The following CFHR5 variants were observed in gnomAD, a reference collection of about 807,000 sequenced individuals.
CFHR5 encodes the protein complement factor H related 5.
In CFHR5, 73 loss-of-function variants were observed where a neutral mutation model predicts 62.9. That is an observed-to-expected ratio of 1.16 (90% CI 0.96 to 1.41). CFHR5 has a LOEUF of 1.41. CFHR5 is among the 40% of genes most tolerant of loss of function. The pLI is 0.00. For synonymous variants in CFHR5, 249 were observed against 227.2 expected, an observed-to-expected ratio of 1.10 and a Z score of -0.86; for missense variants, 779 against 679.9, an observed-to-expected ratio of 1.15 and a Z score of -1.62.
intron 9 of CFHR5, among the ~76,000 whole-genome samples, chr1:197,005,247 T>C (rs576556409): frequency 6.6e-6 from 1 of 152,282 alleles, no homozygotes; most frequent in Non-Finnish European, 1.5e-5. Context: ...ACCTGAAAGC[T>C]TTCCCTAGTA....
rs115844193 is a variant in CFHR5, at chr1:197,008,204, C to G, written c.1514-283C>G. Among the ~76,000 whole-genome samples, 692 of 151,330 alleles carry G rather than the reference C, an allele frequency of 4.6e-3. 3 individuals are homozygous for G. The highest frequency in any genetic ancestry group is 7.6e-3 in the Non-Finnish European group (516 of 67,756). ...TAGTAAAGTATAGCAATTAAGAGCTCAGGTTCTGAACTCATACTGGCAGGA... is the reference window on the plus strand; with the variant it reads ...TAGTAAAGTATAGCAATTAAGAGCTGAGGTTCTGAACTCATACTGGCAGGA... On this transcript the variant is annotated intron_variant, in intron 9 of 9. Transcript: ENST00000256785.
intron 4 of CFHR5, among the ~76,000 whole-genome samples, chr1:196,995,408 TC>T (rs1653962779): frequency 1.3e-5 from 2 of 152,184 alleles, no homozygotes; most frequent in Admixed American, 1.3e-4. Context: ...TCATTTACTT[TC>T]AATTACTTCA....
At chr1:196,997,442 T>C (rs1368119742) in intron 6 of CFHR5, among the ~76,000 whole-genome samples, 1 of 152,158 alleles carries the variant, frequency 6.6e-6, no homozygotes, top group African/African-American at 2.4e-5. Flanking sequence ...GCACACTCCA[T>C]GTCTCATTAT....
rs1558287264 is a variant in CFHR5, at chr1:196,995,692, ATTATTTATGG to A, written c.608-22_608-13del. 39 of 1,590,782 alleles carry A rather than the reference ATTATTTATGG, an allele frequency of 2.5e-5. No individual in the cohort carries two copies. Among genetic ancestry groups the A allele is most frequent in the Non-Finnish European group, 3.2e-5 (37 of 1,159,160 alleles). On this transcript the variant is annotated splice_polypyrimidine_tract_variant and intron_variant, in intron 4 of 9. Transcript: ENST00000256785. ...TCTATACTTATAAGACCATTTAAGC[ATTATTTATGG>A]TTTCTTTATAATAGGACAAGTACGA...
chr1:196,982,125 G>GA (rs1044448204), intron 1 of CFHR5, among the ~76,000 whole-genome samples: 161 of 148,206 alleles, frequency 1.1e-3, no homozygotes, highest in Non-Finnish European at 1.5e-3. Flanking sequence ...TACTGCACCA[G>GA]AAAAAAAAAT....
intron 1 of CFHR5, among the ~76,000 whole-genome samples, chr1:196,980,629 T>C (rs1653516900): frequency 6.8e-6 from 1 of 146,150 alleles, no homozygotes; most frequent in African/African-American, 2.6e-5. Flanking sequence ...TGTGTGTGTG[T>C]ATCCCAGAAG....
Position 196,983,966 on chromosome 1 carries a change from T to C in CFHR5, c.259T>C (p.Cys87Arg). 6.2e-7 allele frequency: 1 copy of C among 1,608,044 alleles called. No homozygotes were observed. The highest frequency in any genetic ancestry group is 8.5e-7 in the Non-Finnish European group (1 of 1,175,898). ...WSPTPKCLRMCSFPFVKNGHS... is the reference protein window; with the variant it reads ...WSPTPKCLRMRSFPFVKNGHS... ...AATCAATTTTTGTTCCTTAGGAATGTGTTCCTTTCCTTTTGTGAAAAATGG... is the reference window on the plus strand; with the variant it reads ...AATCAATTTTTGTTCCTTAGGAATGCGTTCCTTTCCTTTTGTGAAAAATGG... The change falls in exon 3 of 10, where the codon TGT (cysteine) becomes CGT (arginine). Residue 87 changes from cysteine to arginine, a missense_variant. By Grantham distance (180) the Cys-to-Arg change is radical. Coordinates refer to ENST00000256785, the MANE Select transcript of CFHR5 (RefSeq NM_030787.4).
At chr1:196,978,589 GA>G (rs1485573984) in intron 1 of CFHR5, among the ~76,000 whole-genome samples, 2 of 152,086 alleles carry the variant, frequency 1.3e-5, no homozygotes, top group Non-Finnish European at 1.5e-5. Context: ...TGACATAAGA[GA>G]AAAATATGAA....
intron 3 of CFHR5, among the ~76,000 whole-genome samples, chr1:196,988,776 T>C (rs189671479): frequency 2.0e-5 from 3 of 152,302 alleles, no homozygotes; most frequent in Admixed American, 2.0e-4. Context: ...TTTGCCAGTA[T>C]TTTATTGAGG....
intron 3 of CFHR5, among the ~76,000 whole-genome samples, chr1:196,985,078 T>G (rs1175010758): frequency 1.3e-5 from 2 of 152,172 alleles, no homozygotes; most frequent in Non-Finnish European, 2.9e-5. Flanking sequence ...TTTTCTAAAT[T>G]TTTTTTCAGT....
Position 196,995,716 on chromosome 1 carries a change from G to C in CFHR5, c.608-1G>C. 1 of 1,611,690 alleles carries C rather than the reference G, an allele frequency of 6.2e-7. No individual in the cohort carries two copies. Among genetic ancestry groups the C allele is most frequent in the Non-Finnish European group, 8.5e-7 (1 of 1,177,990 alleles). ...CATTATTTATGGTTTCTTTATAATAGGACAAGTACGATCATGTGGTCCACC... is the reference window on the plus strand; with the variant it reads ...CATTATTTATGGTTTCTTTATAATACGACAAGTACGATCATGTGGTCCACC... On this transcript the variant is annotated splice_acceptor_variant, in intron 4 of 9. Coordinates refer to ENST00000256785, the MANE Select transcript of CFHR5 (RefSeq NM_030787.4). LOFTEE classifies it high-confidence loss of function.
At chr1:196,998,340 G>C (rs774165075) in intron 7 of CFHR5, 36 bp downstream of exon 7, 1 of 1,514,220 alleles carries the variant, frequency 6.6e-7, no homozygotes, top group East Asian at 2.3e-5. Context: ...TGATCTTGTT[G>C]CTTCTTTACA....
intron 3 of CFHR5, among the ~76,000 whole-genome samples, chr1:196,991,505 A>G (rs562221445): frequency 1.3e-5 from 2 of 152,176 alleles, no homozygotes; most frequent in South Asian, 4.2e-4. Flanking sequence ...TTGTGGTTTT[A>G]TCTACCTTTG....
chr1:196,992,877 A>C (rs554575297), intron 3 of CFHR5, among the ~76,000 whole-genome samples: 21 of 152,314 alleles, frequency 1.4e-4, no homozygotes, highest in Non-Finnish European at 2.9e-4. Context: ...ACAGTATATA[A>C]AACTAGCTAG....
chr1:196,997,300 T>G (rs1003311556), intron 6 of CFHR5, among the ~76,000 whole-genome samples: 2 of 152,178 alleles, frequency 1.3e-5, no homozygotes, highest in Non-Finnish European at 2.9e-5. Context: ...TATGGGAAGA[T>G]GTAGATCATA....
At chr1:196,981,831 C>A (rs1334170513) in intron 1 of CFHR5, among the ~76,000 whole-genome samples, 1 of 151,822 alleles carries the variant, frequency 6.6e-6, no homozygotes, top group Non-Finnish European at 1.5e-5. Flanking sequence ...AATGTAAATA[C>A]TATATAAATA....
chr1:196,983,424 T>A (rs1250291181), intron 2 of CFHR5, among the ~76,000 whole-genome samples: 1 of 152,244 alleles, frequency 6.6e-6, no homozygotes, highest in Non-Finnish European at 1.5e-5. Flanking sequence ...ATAGATATTC[T>A]GTTTTGAATT....
intron 6 of CFHR5, 37 bp downstream of exon 6, chr1:196,996,238 T>C (rs780523744): frequency 6.7e-7 from 1 of 1,500,974 alleles, no homozygotes; most frequent in East Asian, 2.3e-5. Flanking sequence ...TTTGATTATT[T>C]ATCATTTTGA....
chr1:197,000,495 A>G (rs1369154398), intron 7 of CFHR5, among the ~76,000 whole-genome samples: 1 of 152,148 alleles, frequency 6.6e-6, no homozygotes, highest in African/African-American at 2.4e-5. Context: ...ATTATGTGTA[A>G]TGTTCTTTTT....
Sources: allele counts gnomAD v4.1 joint callset (sites outside exome capture counted in the v4.1 genomes callset), GRCh38; gene constraint gnomAD v4.1.1; transcripts MANE v1.5; gene names NCBI Gene and HGNC (gene_info 2026-07-23, HGNC 2026-07-21).